The following SV2C variants were observed in gnomAD, a reference collection of about 807,000 sequenced individuals.
The protein encoded by SV2C is solute carrier family 22 member B3.
SV2C carries 49 observed loss-of-function variants against 79.7 expected under a neutral mutation model. The observed-to-expected ratio is 0.61, with a 90% confidence interval of 0.49 to 0.78. SV2C has a LOEUF of 0.78. Among genes scored for constraint, SV2C ranks in the 30% least tolerant of loss-of-function variants. The pLI is 0.00. For synonymous variants in SV2C, 334 were observed against 333.2 expected, an observed-to-expected ratio of 1.00 and a Z score of -0.03; for missense variants, 833 against 912.9, an observed-to-expected ratio of 0.91 and a Z score of 1.13.
the SV2C span, among the ~76,000 whole-genome samples, chr5:76,043,861 C>A: frequency 5.1e-4 from 77 of 152,212 alleles, no homozygotes; most frequent in African/African-American, 1.7e-3. Context: ...AGTGCTCCCT[C>A]CTGACTTTTA....
At chr5:76,023,502 T>C in the SV2C span, among the ~76,000 whole-genome samples, 9 of 152,166 alleles carry the variant, frequency 5.9e-5, no homozygotes, top group Non-Finnish European at 1.0e-4. Flanking sequence ...AGAACAGGAG[T>C]ACAAGAGCTT....
intron 12 of SV2C, among the ~76,000 whole-genome samples, chr5:76,310,412 T>C (rs1748390942): frequency 6.6e-6 from 1 of 152,074 alleles, no homozygotes; most frequent in African/African-American, 2.4e-5. Context: ...GGTGCAAAGG[T>C]CCTGAGGTGG....
chr5:75,876,999 G>T, the SV2C span, among the ~76,000 whole-genome samples: 1 of 152,048 alleles, frequency 6.6e-6, no homozygotes, highest in Non-Finnish European at 1.5e-5. Flanking sequence ...AAAAGGCAGA[G>T]ATTGTCACAC....
chr5:75,974,934 C>T, the SV2C span, among the ~76,000 whole-genome samples: 2 of 152,072 alleles, frequency 1.3e-5, no homozygotes, highest in Admixed American at 1.3e-4. Context: ...GTCAAAGTCA[C>T]AGGGCAGGCA....
chr5:75,867,707 C>G, the SV2C span, among the ~76,000 whole-genome samples: 3 of 152,142 alleles, frequency 2.0e-5, no homozygotes, highest in Non-Finnish European at 2.9e-5. Flanking sequence ...AATGTTCCTT[C>G]CTGTTGATGG....
chr5:76,035,556 GGT>G, the SV2C span, among the ~76,000 whole-genome samples: 1 of 152,032 alleles, frequency 6.6e-6, no homozygotes, highest in Non-Finnish European at 1.5e-5. Context: ...GCAGTTGAGT[GGT>G]TTTGAGTGAG....
the SV2C span, among the ~76,000 whole-genome samples, chr5:76,030,296 T>A: frequency 6.3e-5 from 9 of 142,906 alleles, 1 homozygote; most frequent in Admixed American, 2.1e-4. Context: ...TTTTTTTATT[T>A]ATTCCTGTAA....
the SV2C span, among the ~76,000 whole-genome samples, chr5:75,944,893 A>C: frequency 0.029 from 4,456 of 152,172 alleles, 173 homozygotes; most frequent in African/African-American, 0.092. Flanking sequence ...TAAAACCCCC[A>C]AAAAAGATGG....
the SV2C span, among the ~76,000 whole-genome samples, chr5:75,868,579 T>C: frequency 6.6e-6 from 1 of 152,208 alleles, no homozygotes; most frequent in Non-Finnish European, 1.5e-5. Context: ...GTGCTTCCAA[T>C]AGTAAACTAA....
At chr5:76,270,777 T>A (rs1746825092) in intron 4 of SV2C, among the ~76,000 whole-genome samples, 1 of 140,094 alleles carries the variant, frequency 7.1e-6, no homozygotes, top group African/African-American at 3.1e-5. Context: ...TTTTTATTAT[T>A]TTTTTTTTTG....
At chr5:75,911,193 C>G in the SV2C span, 2 of 1,594,778 alleles carry the variant, frequency 1.3e-6, no homozygotes, top group African/African-American at 1.3e-5. Flanking sequence ...TACCAGCCTG[C>G]AATGGCCCTG....
the SV2C span, among the ~76,000 whole-genome samples, chr5:75,859,049 C>G: frequency 6.6e-6 from 1 of 150,986 alleles, no homozygotes; most frequent in Admixed American, 6.6e-5. Context: ...TTTTTCTTTT[C>G]ATTGATCTTT....
chr5:75,864,481 C>T, the SV2C span, among the ~76,000 whole-genome samples: 15 of 152,238 alleles, frequency 9.9e-5, no homozygotes, highest in East Asian at 1.4e-3. Context: ...ATTTTTCTGC[C>T]GAGGTAGACT....
rs185299851 is a variant in SV2C at position 76,184,626 on chromosome 5, C to T, written c.581-10293C>T. The stretch of plus-strand genomic sequence containing the variant: ...GGCAGGAGAGAGAATGAGTGCTGAG[C>T]GAAGGGGGGAAGCCCCTTGTAAAAC... On this transcript the variant is annotated intron_variant, in intron 2 of 12. Transcript: ENST00000502798. Among the ~76,000 whole-genome samples the T allele has an allele frequency of 1.1e-4, 16 of 152,242 alleles. No homozygotes were observed. The East Asian group carries it at 1.9e-3, about 18-fold the overall frequency.
chr5:75,945,477 A>AATT, the SV2C span, among the ~76,000 whole-genome samples: 3,940 of 151,542 alleles, frequency 0.026, 159 homozygotes, highest in African/African-American at 0.087. Context: ...ACACCAAGCT[A>AATT]ATTATTATTA....
At chr5:76,070,866 T>C in the SV2C span, among the ~76,000 whole-genome samples, 1 of 152,234 alleles carries the variant, frequency 6.6e-6, no homozygotes, top group Admixed American at 6.5e-5. Context: ...GGAAATCCTA[T>C]ACCAGCTTCT....
chr5:76,234,372 A>G (rs1734300456), intron 4 of SV2C, among the ~76,000 whole-genome samples: 1 of 152,234 alleles, frequency 6.6e-6, no homozygotes, highest in African/African-American at 2.4e-5. Flanking sequence ...TATAAATAAC[A>G]TGTCCATTTT....
At position 76,201,846 on chromosome 5, in the gene SV2C, G is replaced by A. The variant is rs531919143; in HGVS notation, c.761+6747G>A. Among the ~76,000 whole-genome samples, 81 of 151,812 alleles carry A rather than the reference G, an allele frequency of 5.3e-4. No homozygotes were observed. In the South Asian group the frequency reaches 0.013, roughly 25 times the overall value. The stretch of plus-strand genomic sequence containing the variant: ...ATCCTGGCTAACATGGTGAAACCCC[G>A]TCTCTACTAAAAATACAAAAAATTA... On this transcript the variant is annotated intron_variant, in intron 3 of 12. Coordinates refer to ENST00000502798, the MANE Select transcript of SV2C (RefSeq NM_014979.4).
At position 76,236,373 on chromosome 5, in the gene SV2C, G is replaced by T. The variant is rs183907644; in HGVS notation, c.913+26486G>T. On this transcript the variant is annotated intron_variant, in intron 4 of 12. Transcript: ENST00000502798. Reference sequence around the variant, plus strand: ...ACTTCAGGAGTTGAAGGCCAGCCTGGTCAGCATGGTGAAACCCCGTCTCTA... The same window carrying T: ...ACTTCAGGAGTTGAAGGCCAGCCTGTTCAGCATGGTGAAACCCCGTCTCTA... Among the ~76,000 whole-genome samples, 1,129 of 152,118 alleles carry T rather than the reference G, an allele frequency of 7.4e-3. 7 individuals are homozygous for T. Among genetic ancestry groups the T allele is most frequent in the African/African-American group, 0.026 (1,066 of 41,490 alleles).
Sources: allele counts gnomAD v4.1 joint callset (sites outside exome capture counted in the v4.1 genomes callset), GRCh38; gene constraint gnomAD v4.1.1; transcripts MANE v1.5; gene names NCBI Gene and HGNC (gene_info 2026-07-23, HGNC 2026-07-21).